MYRIP: variants seen among roughly 807,000 people sequenced by gnomAD.
The protein encoded by MYRIP is rab effector MyRIP.
Under a neutral mutation model 98.0 loss-of-function variants are expected in MYRIP, and 49 were observed. The observed-to-expected ratio is 0.50, with a 90% CI of 0.40 to 0.63. The LOEUF is 0.63. Ranked by LOEUF, MYRIP falls within the 30% of genes least tolerant of loss-of-function variation. The probability of loss-of-function intolerance (pLI) is 0.00; values close to 1 mark genes in which losing one functional copy is unlikely to be tolerated. For missense variants in MYRIP, 1,004 were observed against 1,058.2 expected (o/e 0.95, Z 0.71); for synonymous variants, 404 against 409.5 (o/e 0.99, Z 0.16).
At chr3:40,031,292 C>T (rs1214591852) in intron 2 of MYRIP, among the ~76,000 whole-genome samples, 1 of 152,092 alleles carries the variant, frequency 6.6e-6, no homozygotes, top group Non-Finnish European at 1.5e-5. Context: ...AACACCTAAT[C>T]ACCTCCTAAA....
chr3:40,141,023 G>A (rs1308450801), intron 3 of MYRIP, among the ~76,000 whole-genome samples: 1 of 151,766 alleles, frequency 6.6e-6, no homozygotes, highest in Non-Finnish European at 1.5e-5. Context: ...CGATTTTTTT[G>A]TACCCATTAA....
intron 2 of MYRIP, among the ~76,000 whole-genome samples, chr3:39,922,991 G>A (rs755168141): frequency 2.4e-4 from 37 of 151,892 alleles, no homozygotes; most frequent in Non-Finnish European, 3.2e-4. Flanking sequence ...AACCCTTAAC[G>A]AGGAAGTACA....
intron 1 of MYRIP, among the ~76,000 whole-genome samples, chr3:39,821,449 C>T (rs958543230): frequency 3.3e-5 from 5 of 152,040 alleles, no homozygotes; most frequent in African/African-American, 1.2e-4. Context: ...TCTATCCTAT[C>T]ATTGTTTCTA....
At chr3:39,994,835 C>A (rs1575446963) in intron 2 of MYRIP, among the ~76,000 whole-genome samples, 1 of 152,192 alleles carries the variant, frequency 6.6e-6, no homozygotes, top group African/African-American at 2.4e-5. Context: ...TCCTCTCACA[C>A]AAAACTTCCA....
intron 3 of MYRIP, among the ~76,000 whole-genome samples, chr3:40,109,458 A>G (rs1352700909): frequency 6.6e-6 from 1 of 152,200 alleles, no homozygotes; most frequent in African/African-American, 2.4e-5. Flanking sequence ...AGAGATGGGA[A>G]CAGATGAGCC....
chr3:40,212,235 CACACACACACAT>C (rs1559456860), intron 11 of MYRIP, among the ~76,000 whole-genome samples: 1,007 of 45,794 alleles, frequency 0.022, 268 homozygotes, highest in Admixed American at 0.16. Context: ...TACACACACA[CACACACACACAT>C]ATATATATAT....
At chr3:39,854,570 G>T (rs1942229844) in intron 1 of MYRIP, among the ~76,000 whole-genome samples, 1 of 151,938 alleles carries the variant, frequency 6.6e-6, no homozygotes, top group Admixed American at 6.6e-5. Context: ...ATTTTTTTAA[G>T]TTGGTTTTCC....
intron 9 of MYRIP, among the ~76,000 whole-genome samples, chr3:40,185,944 C>A (rs539739275): frequency 6.6e-6 from 1 of 152,226 alleles, no homozygotes; most frequent in Non-Finnish European, 1.5e-5. Flanking sequence ...CAGGATGAGA[C>A]GCAAAGTTGG....
intron 2 of MYRIP, among the ~76,000 whole-genome samples, chr3:39,972,663 G>A (rs947196844): frequency 3.3e-5 from 5 of 151,846 alleles, no homozygotes; most frequent in Admixed American, 1.3e-4. Context: ...ATTATGCTTC[G>A]GCAGATTAAA....
chr3:39,870,552 T>A (rs1942756421), intron 1 of MYRIP, among the ~76,000 whole-genome samples: 1 of 152,340 alleles, frequency 6.6e-6, no homozygotes, highest in South Asian at 2.1e-4. Flanking sequence ...TACTTTTCTG[T>A]CTGTTTTAGG....
intron 1 of MYRIP, among the ~76,000 whole-genome samples, chr3:39,858,306 G>A (rs148498563): frequency 8.0e-4 from 122 of 152,102 alleles, no homozygotes; most frequent in Non-Finnish European, 1.5e-3. Flanking sequence ...GACAATGAAC[G>A]TCAGTATATA....
chr3:39,874,862 A>C (rs1399790944), intron 1 of MYRIP, among the ~76,000 whole-genome samples: 2 of 152,170 alleles, frequency 1.3e-5, no homozygotes, highest in African/African-American at 2.4e-5. Context: ...TCATAAAATG[A>C]GTAAGGGAAG....
At chr3:40,030,908 C>T (rs1265675510) in intron 2 of MYRIP, among the ~76,000 whole-genome samples, 1 of 151,972 alleles carries the variant, frequency 6.6e-6, no homozygotes, top group African/African-American at 2.4e-5. Context: ...GGTTGCACAA[C>T]TTTTTGAATA....
intron 2 of MYRIP, among the ~76,000 whole-genome samples, chr3:39,903,779 G>A (rs1943806571): frequency 6.6e-6 from 1 of 152,222 alleles, no homozygotes; most frequent in Admixed American, 6.5e-5. Flanking sequence ...GAATCACACA[G>A]TTAATTGGAG....
intron 2 of MYRIP, among the ~76,000 whole-genome samples, chr3:39,910,528 C>CAT (rs1401300747): frequency 2.0e-5 from 3 of 152,156 alleles, no homozygotes; most frequent in Non-Finnish European, 2.9e-5. Context: ...CCACATGTGG[C>CAT]ATTAAGCACT....
chr3:39,958,391 T>G (rs1945226335), intron 2 of MYRIP, among the ~76,000 whole-genome samples: 1 of 152,178 alleles, frequency 6.6e-6, no homozygotes, highest in Non-Finnish European at 1.5e-5. Flanking sequence ...TACAACCAAC[T>G]GATCTTTGAC....
chr3:40,020,162 C>G (rs1458302491), intron 2 of MYRIP, among the ~76,000 whole-genome samples: 1 of 152,144 alleles, frequency 6.6e-6, no homozygotes, highest in Non-Finnish European at 1.5e-5. Flanking sequence ...ATCTAGTACT[C>G]CCCAGTGTCT....
intron 3 of MYRIP, among the ~76,000 whole-genome samples, chr3:40,062,678 G>A (rs146852142): frequency 2.8e-4 from 42 of 152,220 alleles, no homozygotes; most frequent in African/African-American, 1.0e-3. Context: ...CTGAAATCAG[G>A]ATGGGTCTTC....
chr3:39,921,560 T>C (rs1395487340), intron 2 of MYRIP, among the ~76,000 whole-genome samples: 1 of 152,182 alleles, frequency 6.6e-6, no homozygotes, highest in Non-Finnish European at 1.5e-5. Context: ...TGGGAAGTTA[T>C]ACCCCAACTC....
Sources: allele counts gnomAD v4.1 joint callset (sites outside exome capture counted in the v4.1 genomes callset), GRCh38; gene constraint gnomAD v4.1.1; transcripts MANE v1.5; gene names NCBI Gene and HGNC (gene_info 2026-07-23, HGNC 2026-07-21).